Variants in LCTL observed in about 807,000 individuals in gnomAD.
The protein encoded by LCTL is lactase like.
A neutral mutation model predicts 75.8 loss-of-function variants in LCTL; 76 were observed. The observed-to-expected ratio is 1.00, with a 90% CI of 0.83 to 1.21. LCTL has a LOEUF of 1.21. LCTL is among the 50% of genes most tolerant of loss of function. The pLI is 0.00. For missense variants in LCTL, 670 were observed against 712.4 expected (o/e 0.94, Z 0.68); for synonymous variants, 271 against 268.8 (o/e 1.01, Z -0.08).
chr15:66,548,688 G>A, intron 12 of LCTL, 83 bp from the exon 14 acceptor site: 1 of 609,334 alleles, frequency 1.6e-6, no homozygotes, highest in Non-Finnish European at 2.9e-6. Flanking sequence ...AGCTTTAACT[G>A]TATTGGGAAA....
chr15:66,565,588 C>G, upstream of LCTL: 1 of 518,084 alleles, frequency 1.9e-6, no homozygotes, highest in Non-Finnish European at 3.4e-6. Context: ...TCCAAACTAT[C>G]CCTTCTCCCT....
chr15:66,555,994 C>A (rs1245976116), intron 8 of LCTL, among the ~76,000 whole-genome samples: 3 of 152,110 alleles, frequency 2.0e-5, no homozygotes, highest in Non-Finnish European at 4.4e-5. Context: ...CATTATTAAG[C>A]AAAATAACAA....
chr15:66,558,737 C>T (rs1430255588), intron 6 of LCTL, among the ~76,000 whole-genome samples: 1 of 149,156 alleles, frequency 6.7e-6, no homozygotes, highest in Non-Finnish European at 1.5e-5. Flanking sequence ...GCTCTGTGGC[C>T]CAGGCTGGAG....
intron 2 of LCTL, 150 bp from the exon 4 acceptor site, chr15:66,564,148 T>C (rs1166044840): frequency 1.6e-6 from 1 of 633,062 alleles, no homozygotes; most frequent in African/African-American, 1.8e-5. Flanking sequence ...ACAGAGGTGA[T>C]GCCACCTGCC....
At chr15:66,563,768 C>T (rs1567062689) in intron 3 of LCTL, 143 bp from the exon 5 acceptor site, 6 of 838,460 alleles carry the variant, frequency 7.2e-6, no homozygotes, top group Non-Finnish European at 5.8e-6. Flanking sequence ...AGCCCAGTTA[C>T]CTGCAGAACC....
At chr15:66,550,627 G>A (rs112871857) in intron 11 of LCTL, among the ~76,000 whole-genome samples, 7 of 151,848 alleles carry the variant, frequency 4.6e-5, no homozygotes, top group African/African-American at 1.5e-4. Context: ...GACTACAGGC[G>A]CATCACCACA....
At chr15:66,564,206 G>A in intron 2 of LCTL, 1 of 587,062 alleles carries the variant, frequency 1.7e-6, no homozygotes, top group South Asian at 2.1e-5. Flanking sequence ...CGCAGGACAG[G>A]GAGGCACTGA....
Position 66,552,183 on chromosome 15 carries a change from A to G in LCTL, c.1198-14T>C. 6.3e-7 allele frequency: 1 copy of G among 1,599,220 alleles called. No homozygotes were observed. ...ACCGTATTGAGTCTGAAAGTGAGTC[A>G]TAGCAACAAATATCTTAAAAATTCT... is the stretch of plus-strand genomic sequence containing the variant. On this transcript the variant is annotated splice_polypyrimidine_tract_variant and intron_variant, in intron 9 of 12. Transcript: ENST00000341509.
intron 8 of LCTL, among the ~76,000 whole-genome samples, chr15:66,553,551 C>T (rs1026513058): frequency 1.3e-5 from 2 of 149,414 alleles, no homozygotes; most frequent in African/African-American, 2.5e-5. Context: ...GTCAGGAGAT[C>T]GAGACCATCC....
intron 6 of LCTL, 60 bp from the exon 8 acceptor site, chr15:66,558,096 T>A: frequency 6.9e-7 from 1 of 1,450,032 alleles, no homozygotes; most frequent in South Asian, 1.3e-5. Context: ...TCCCTTTCAA[T>A]CTGAGTGGCC....
At chr15:66,561,070 T>C (rs1420499311) in exon 6 of LCTL, 6 of 1,614,070 alleles carry the variant, frequency 3.7e-6, no homozygotes. Flanking sequence ...CGGCGCATGG[T>C]GGCCCGTCTC....
intron 1 of LCTL, 132 bp from the exon 3 acceptor site, chr15:66,564,971 G>A (rs1895987686): frequency 2.4e-6 from 2 of 830,362 alleles, no homozygotes; most frequent in Non-Finnish European, 3.8e-6. Context: ...CTGGGGACTT[G>A]TCTTCCTAGG....
rs1895709708 is a variant in LCTL, at chr15:66,555,101, CAA to C, written c.923-1845_923-1844del. 1.3e-5 allele frequency among the ~76,000 whole-genome samples: 2 copies of C among 151,916 alleles called. 1 individual carries two copies. The highest frequency in any genetic ancestry group is 4.1e-4 in the South Asian group (2 of 4,820). ...GATAATAGTTTAGATAAAATGAATA[CAA>C]AGTTTGTGTTATTAAATACCCTTAA... On this transcript the variant is annotated intron_variant, in intron 8 of 12. Transcript: ENST00000341509.
At chr15:66,559,213 T>G (rs1469545364) in intron 6 of LCTL, among the ~76,000 whole-genome samples, 1 of 152,148 alleles carries the variant, frequency 6.6e-6, no homozygotes, top group East Asian at 1.9e-4. Flanking sequence ...TATTTTGATG[T>G]GTGTTAAAAT....
intron 8 of LCTL, among the ~76,000 whole-genome samples, chr15:66,553,527 G>A (rs1240324557): frequency 2.0e-5 from 3 of 150,820 alleles, no homozygotes; most frequent in Non-Finnish European, 4.4e-5. Context: ...AGGCTGAGGC[G>A]GGCGGATCAC....
At chr15:66,548,433 A>C (rs546519703) in exon 13 of LCTL, 1 of 908,096 alleles carries the variant, frequency 1.1e-6, no homozygotes, top group African/African-American at 1.6e-5. Context: ...TCAAAGCAGA[A>C]AAGGGAGGAA....
chr15:66,551,969 A>T, intron 10 of LCTL, 74 bp downstream of exon 11: 1 of 1,557,622 alleles, frequency 6.4e-7, no homozygotes, highest in Non-Finnish European at 8.7e-7. Flanking sequence ...AGCAAGTTTC[A>T]GTTGATTGTG....
chr15:66,563,815 G>A (rs1369214654), intron 3 of LCTL, 96 bp downstream of exon 4: 2 of 1,018,432 alleles, frequency 2.0e-6, no homozygotes, highest in Non-Finnish European at 3.1e-6. Flanking sequence ...ACGTTCATGG[G>A]CTGATCTCCC....
rs759190361 is a variant in LCTL, at chr15:66,551,654, A to G, written c.1524+8T>C. ...TTCAGAACAGATAACATTGATAATG[A>G]GGCCTACCTCTCTTGGATTGGGAAA... is the stretch of plus-strand genomic sequence containing the variant. On this transcript the variant is annotated splice_region_variant and intron_variant, in intron 11 of 12. Coordinates refer to ENST00000341509, the Ensembl canonical transcript of LCTL. 27 of 1,608,086 alleles carry G rather than the reference A, an allele frequency of 1.7e-5. No individual in the cohort carries two copies. The Admixed American group carries it at 4.3e-4, about 26-fold the overall frequency.
Sources: allele counts gnomAD v4.1 joint callset (sites outside exome capture counted in the v4.1 genomes callset), GRCh38; gene constraint gnomAD v4.1.1; transcripts MANE v1.5; gene names NCBI Gene and HGNC (gene_info 2026-07-23, HGNC 2026-07-21).